The following RASA3 variants were observed in gnomAD, a reference collection of about 807,000 sequenced individuals.
RASA3 encodes RAS p21 protein activator 3.
Under a neutral mutation model 110.0 loss-of-function variants are expected in RASA3, and 73 were observed. That is an observed-to-expected ratio of 0.66 (90% CI 0.55 to 0.81). The LOEUF is 0.81. Among genes scored for constraint, RASA3 ranks in the 30% least tolerant of loss-of-function variants. The pLI is 0.00. For missense variants in RASA3, 976 were observed against 1,113.2 expected (o/e 0.88, Z 1.75); for synonymous variants, 500 against 451.4 (o/e 1.11, Z -1.37).
At position 114,027,464 on chromosome 13, in the gene RASA3, G is replaced by C. The variant is rs1159290983; in HGVS notation, c.531-3C>G. On this transcript the variant is annotated splice_polypyrimidine_tract_variant and splice_region_variant and intron_variant, in intron 6 of 23. Coordinates refer to ENST00000334062, the MANE Select transcript of RASA3 (RefSeq NM_007368.4). ...CTTTCGTCTTCTTTGCTTCTGATCT[G>C]TTATCAAGTGAGAAAGGATTGGGAT... 2.5e-6 allele frequency: 4 copies of C among 1,606,574 alleles called. No individual in the cohort carries two copies. The highest frequency in any genetic ancestry group is 3.4e-6 in the Non-Finnish European group (4 of 1,173,410).
At chr13:114,047,845 G>A (rs868653462) in intron 3 of RASA3, among the ~76,000 whole-genome samples, 10 of 152,220 alleles carry the variant, frequency 6.6e-5, no homozygotes, top group Admixed American at 3.3e-4. Flanking sequence ...GTGGCTGCCC[G>A]GGGCTGTGGG....
chr13:114,027,559 T>A, intron 6 of RASA3, 98 bp from the exon 7 acceptor site: 1 of 898,672 alleles, frequency 1.1e-6, no homozygotes, highest in Non-Finnish European at 1.8e-6. Flanking sequence ...AGTCACTTAT[T>A]GGCTTTATTT....
intron 14 of RASA3, among the ~76,000 whole-genome samples, chr13:114,013,945 T>A (rs2053725308): frequency 1.2e-5 from 1 of 83,262 alleles, no homozygotes; most frequent in African/African-American, 6.5e-5. Flanking sequence ...CCTGTCTCTA[T>A]CTCTCTGTCT....
chr13:114,041,252 C>T (rs926262428), intron 3 of RASA3, among the ~76,000 whole-genome samples, 158 bp from the exon 4 acceptor site: 3 of 152,250 alleles, frequency 2.0e-5, no homozygotes, highest in African/African-American at 4.8e-5. Context: ...GGAACCCCCA[C>T]GCTTGGGAGG....
In RASA3 at chr13:114,044,929, G is replaced by C. The variant is rs977560147; in HGVS notation, c.278-3835C>G. 3.3e-5 allele frequency among the ~76,000 whole-genome samples: 5 copies of C among 152,258 alleles called. No homozygotes were observed. The East Asian group carries it at 5.8e-4, about 18-fold the overall frequency. On this transcript the variant is annotated intron_variant, in intron 3 of 23. Coordinates refer to ENST00000334062, the MANE Select transcript of RASA3 (RefSeq NM_007368.4). ...TCTTGTAACTGGCACATGATTACAA[G>C]TCTTTAATTTTAGAAGTACTTCACT...
chr13:113,998,306 T>G (rs1268662184), intron 20 of RASA3, among the ~76,000 whole-genome samples: 1 of 151,918 alleles, frequency 6.6e-6, no homozygotes, highest in Non-Finnish European at 1.5e-5. Context: ...TTCCCAGCCC[T>G]CCTCTTCCCA....
intron 3 of RASA3, among the ~76,000 whole-genome samples, chr13:114,047,280 T>C (rs2079067940): frequency 6.6e-6 from 1 of 152,156 alleles, no homozygotes; most frequent in Non-Finnish European, 1.5e-5. Flanking sequence ...AATGGAGCTG[T>C]CACTAAGCCC....
At chr13:114,125,199 T>C (rs948930370) in intron 1 of RASA3, among the ~76,000 whole-genome samples, 1 of 152,200 alleles carries the variant, frequency 6.6e-6, no homozygotes, top group Non-Finnish European at 1.5e-5. Flanking sequence ...AGCCCACATG[T>C]GGATGCACAT....
intron 3 of RASA3, among the ~76,000 whole-genome samples, chr13:114,041,779 C>A (rs549247097): frequency 6.6e-6 from 1 of 152,362 alleles, no homozygotes; most frequent in South Asian, 2.1e-4. Flanking sequence ...CACCTTCCCA[C>A]GCGACGTGGG....
At chr13:114,101,454 C>T (rs561756311) in intron 1 of RASA3, among the ~76,000 whole-genome samples, 9 of 152,344 alleles carry the variant, frequency 5.9e-5, no homozygotes, top group Non-Finnish European at 1.2e-4. Context: ...AGCCACTGCC[C>T]GTGCTGGGCC....
In RASA3 at chr13:114,077,795, G is replaced by A. The variant is rs1033818459; in HGVS notation, c.56-3958C>T. The A allele has an allele frequency of 1.7e-4, 166 of 979,150 alleles. No homozygotes were observed. The African/African-American group carries it at 1.8e-3, about 11-fold the overall frequency. 60.7% of individuals were successfully genotyped at this position (979,150 alleles called of 1,614,324 possible). ...TCCTCCCTCCCCGCCCGATGGCCCC[G>A]TCTTTACCTCCTTCTCCTTGCTCAC... On this transcript the variant is annotated intron_variant, in intron 1 of 23. Coordinates refer to ENST00000334062, the MANE Select transcript of RASA3 (RefSeq NM_007368.4).
At chr13:114,089,244 G>GGAGGAGGAGA (rs1279933541) in intron 1 of RASA3, among the ~76,000 whole-genome samples, 3 of 150,030 alleles carry the variant, frequency 2.0e-5, no homozygotes, top group African/African-American at 4.9e-5. Context: ...AGGGATGTTC[G>GGAGGAGGAGA]GAGGAGGAGA....
At chr13:114,009,147 C>A (rs531996748) in intron 17 of RASA3, among the ~76,000 whole-genome samples, 1 of 152,214 alleles carries the variant, frequency 6.6e-6, no homozygotes, top group Admixed American at 6.5e-5. Context: ...ACAAGATGGG[C>A]GAGGGCCCCG....
At chr13:114,003,035 C>T (rs1451008192) in intron 18 of RASA3, among the ~76,000 whole-genome samples, 1 of 152,216 alleles carries the variant, frequency 6.6e-6, no homozygotes, top group Non-Finnish European at 1.5e-5. Flanking sequence ...ATGGTCATCA[C>T]CACCCCCACA....
chr13:114,016,349 C>A, intron 12 of RASA3, 78 bp from the exon 13 acceptor site: 1 of 1,107,524 alleles, frequency 9.0e-7, no homozygotes, highest in Non-Finnish European at 1.4e-6. Flanking sequence ...GGTCTCAGGC[C>A]TGGCTGAGAT....
intron 11 of RASA3, among the ~76,000 whole-genome samples, 182 bp from the exon 12 acceptor site, chr13:114,017,533 C>T (rs2053821243): frequency 1.3e-5 from 2 of 152,250 alleles, no homozygotes; most frequent in Non-Finnish European, 2.9e-5. Context: ...GGCCATGGAA[C>T]CGTCCTGTGT....
chr13:114,011,469 C>A lies in RASA3; in HGVS notation c.1513-221G>T, dbSNP rs1373316663. Among the ~76,000 whole-genome samples the A allele has an allele frequency of 1.3e-5, 2 of 152,138 alleles. No homozygotes were observed. The highest frequency in any genetic ancestry group is 2.4e-5 in the African/African-American group (1 of 41,410). On this transcript the variant is annotated intron_variant, in intron 15 of 23. Transcript: ENST00000334062. The surrounding 1 kb of genome is among the most constrained non-coding windows in gnomAD (Gnocchi z 4.8). ...ATCCCGCAGGCAACATCCGACGGCA[C>A]CGCGGTGACCCACTCTCTCGGCCCA...
intron 2 of RASA3, among the ~76,000 whole-genome samples, chr13:114,069,903 A>G (rs1357664664): frequency 5.3e-4 from 2 of 3,774 alleles, no homozygotes; most frequent in Admixed American, 8.8e-3. Context: ...CTCAGGGGTC[A>G]GGAGACTGGG....
chr13:114,105,686 C>T (rs1435231613), intron 1 of RASA3, among the ~76,000 whole-genome samples: 1 of 152,252 alleles, frequency 6.6e-6, no homozygotes, highest in African/African-American at 2.4e-5. Flanking sequence ...AGCACATCCA[C>T]AGCATTCCAG....
Sources: gnomAD v4.1 joint callset for allele counts (sites outside exome capture counted in the v4.1 genomes callset) on GRCh38, gnomAD v4.1.1 for gene constraint, Gnocchi (gnomAD v3.1) non-coding constraint, MANE v1.5 for transcripts, NCBI Gene and HGNC (gene_info 2026-07-23, HGNC 2026-07-21) for gene names.